Variants in CYTL1 observed in about 807,000 individuals in gnomAD.
The protein encoded by CYTL1 is cytokine-like protein 1.
A neutral mutation model predicts 13.1 loss-of-function variants in CYTL1; 17 were observed. The observed-to-expected ratio is 1.29, with a 90% CI of 0.89 to 1.94. CYTL1 has a LOEUF of 1.94. Ranked by LOEUF, CYTL1 falls within the 30% of genes most tolerant of loss-of-function variation. The pLI is 0.00. For synonymous variants in CYTL1, 91 were observed against 79.4 expected, an observed-to-expected ratio of 1.15 and a Z score of -0.78; for missense variants, 213 against 174.8, an observed-to-expected ratio of 1.22 and a Z score of -1.23.
At chr4:5,015,263 G>T (rs1290477604) in intron 3 of CYTL1, 29 bp from the exon 4 acceptor site, 2 of 1,578,778 alleles carry the variant, frequency 1.3e-6, no homozygotes, top group African/African-American at 2.7e-5. Flanking sequence ...GAGCAGGAAA[G>T]TTACTGAAGG....
rs200321003 is a variant in CYTL1, at chr4:5,019,451, C to T, written c.-6G>A. 79 of 1,458,678 alleles carry T rather than the reference C, an allele frequency of 5.4e-5. No individual in the cohort carries two copies. The African/African-American group carries it at 1.0e-3, about 19-fold the overall frequency. 90.4% of individuals were successfully genotyped at this position (1,458,678 alleles called of 1,614,324 possible). A position where few individuals can be genotyped will look rare whatever the true frequency, so the allele number is the denominator to read the frequency against. On this transcript the variant is annotated 5_prime_UTR_variant, in exon 1 of 4. Transcript: ENST00000307746. ...AGAGGCCCAGGCGTCCTCATGGTGC[C>T]AGGCGCTGGTGCAGCCTCGCCGACC...
intron 1 of CYTL1, among the ~76,000 whole-genome samples, chr4:5,017,989 G>A (rs1015766292): frequency 6.6e-6 from 1 of 152,068 alleles, no homozygotes; most frequent in African/African-American, 2.4e-5. Context: ...CTTTCTTCCC[G>A]CTCTGTGGTT....
chr4:5,015,623 T>C (rs767906495), intron 3 of CYTL1, among the ~76,000 whole-genome samples: 2 of 152,198 alleles, frequency 1.3e-5, no homozygotes, highest in Non-Finnish European at 2.9e-5. Context: ...GTTATCATAA[T>C]TGTATCAGCT....
chr4:5,018,201 TAC>T (rs541050159), intron 1 of CYTL1, among the ~76,000 whole-genome samples: 10 of 151,576 alleles, frequency 6.6e-5, no homozygotes, highest in African/African-American at 1.9e-4. Flanking sequence ...AAATTTTGTT[TAC>T]ACACACACAC....
At chr4:5,018,477 T>G (rs1055128334) in intron 1 of CYTL1, among the ~76,000 whole-genome samples, 2 of 152,206 alleles carry the variant, frequency 1.3e-5, no homozygotes, top group African/African-American at 4.8e-5. Context: ...CTGAGAAACA[T>G]TATGTTTTGT....
intron 1 of CYTL1, among the ~76,000 whole-genome samples, chr4:5,018,877 C>T (rs1019676860): frequency 2.6e-5 from 4 of 152,204 alleles, no homozygotes; most frequent in Non-Finnish European, 4.4e-5. Context: ...CTGTGAGCCA[C>T]CTCTTAGGGC....
Position 5,019,431 on chromosome 4 carries a change from C to CCCAGGCGTCCTCATGGTG in CYTL1, c.-4_14dup (p.Gly5_Pro6insThrMetArgThrProGly). 1 of 1,475,330 alleles carries CCCAGGCGTCCTCATGGTG rather than the reference C, an allele frequency of 6.8e-7. No homozygotes were observed. Among genetic ancestry groups the CCCAGGCGTCCTCATGGTG allele is most frequent in the Non-Finnish European group, 8.9e-7 (1 of 1,120,852 alleles). 91.4% of individuals were successfully genotyped at this position (1,475,330 alleles called of 1,614,324 possible). On this transcript the variant is annotated inframe_insertion, in exon 1 of 4. Coordinates refer to ENST00000307746, the MANE Select transcript of CYTL1 (RefSeq NM_018659.3). ...GGAGCAGCAGCAGCACGGGCAGAGG[C>CCCAGGCGTCCTCATGGTG]CCAGGCGTCCTCATGGTGCCAGGCG...
At chr4:5,017,654 AT>A (rs1182070703) in intron 1 of CYTL1, among the ~76,000 whole-genome samples, 2 of 150,692 alleles carry the variant, frequency 1.3e-5, no homozygotes, top group Admixed American at 1.3e-4. Flanking sequence ...ATATAAGTAT[AT>A]TAGCTATATA....
At position 5,016,978 on chromosome 4, in the gene CYTL1, A is replaced by G. The variant is rs752731184; in HGVS notation, c.199-14T>C. ...CACACAGTAATTCTGGGAGTGGGCA[A>G]TGGGGAGGGGGCTTGTGGGAGAAGT... On this transcript the variant is annotated splice_polypyrimidine_tract_variant and intron_variant, in intron 2 of 3. Transcript: ENST00000307746. 2 of 1,614,086 alleles carry G rather than the reference A, an allele frequency of 1.2e-6. No homozygotes were observed. Among genetic ancestry groups the G allele is most frequent in the Non-Finnish European group, 1.7e-6 (2 of 1,179,982 alleles).
intron 1 of CYTL1, 37 bp downstream of exon 1, chr4:5,019,256 G>A: frequency 7.1e-7 from 1 of 1,406,518 alleles, no homozygotes; most frequent in South Asian, 1.8e-5. Context: ...AACTGGGTCT[G>A]CCATGCACCC....
chr4:5,015,105 G>T lies in CYTL1; in HGVS notation c.*46C>A. 1 of 1,518,806 alleles carries T rather than the reference G, an allele frequency of 6.6e-7. No individual in the cohort carries two copies. The highest frequency in any genetic ancestry group is 1.1e-5 in the South Asian group (1 of 88,220). The allele number at this position is 1,518,806 out of a possible 1,614,324, so 94.1% of individuals were successfully genotyped here. On this transcript the variant is annotated 3_prime_UTR_variant, in exon 4 of 4. Transcript: ENST00000307746. ...TCTGGCCCATTAAGTCTGGGTAGCT[G>T]ACATAACTGTAGTTCTCTTGGGTTC...
At chr4:5,016,493 C>T (rs537998425) in intron 3 of CYTL1, among the ~76,000 whole-genome samples, 40 of 152,260 alleles carry the variant, frequency 2.6e-4, no homozygotes, top group African/African-American at 7.7e-4. Flanking sequence ...CCTCTCCTAC[C>T]GGAATCCTCT....
intron 1 of CYTL1, 98 bp downstream of exon 1, chr4:5,019,195 C>G: frequency 9.0e-7 from 1 of 1,107,768 alleles, no homozygotes; most frequent in Non-Finnish European, 1.2e-6. Flanking sequence ...AGAAAAATAT[C>G]CTTTTCTCTC....
intron 1 of CYTL1, among the ~76,000 whole-genome samples, chr4:5,018,260 T>C (rs1156470429): frequency 3.9e-5 from 6 of 152,164 alleles, no homozygotes; most frequent in Admixed American, 3.9e-4. Flanking sequence ...GACAGAAAGC[T>C]GAAATATGAT....
rs753566471 is a variant in CYTL1, at chr4:5,016,967, G to C, written c.199-3C>G. Reference sequence around the variant, plus strand: ...AGCTTGTCCAGCACACAGTAATTCTGGGAGTGGGCAATGGGGAGGGGGCTT... The same window carrying C: ...AGCTTGTCCAGCACACAGTAATTCTCGGAGTGGGCAATGGGGAGGGGGCTT... On this transcript the variant is annotated splice_polypyrimidine_tract_variant and splice_region_variant and intron_variant, in intron 2 of 3. Coordinates refer to ENST00000307746, the MANE Select transcript of CYTL1 (RefSeq NM_018659.3). The C allele has an allele frequency of 9.3e-6, 15 of 1,614,058 alleles. No individual in the cohort carries two copies. The East Asian group carries it at 3.1e-4, about 34-fold the overall frequency.
At chr4:5,015,820 T>C (rs190049356) in intron 3 of CYTL1, among the ~76,000 whole-genome samples, 62 of 152,316 alleles carry the variant, frequency 4.1e-4, no homozygotes, top group Admixed American at 2.7e-3. Context: ...GTCACTCTAC[T>C]AGGCTTCTTA....
rs556834689 is a variant in CYTL1, at chr4:5,016,633, T to C, written c.327+203A>G. Among the ~76,000 whole-genome samples the C allele has an allele frequency of 3.9e-5, 6 of 152,230 alleles. No homozygotes were observed. In the East Asian group the frequency reaches 1.2e-3, roughly 29 times the overall value. On this transcript the variant is annotated intron_variant, in intron 3 of 3. Coordinates refer to ENST00000307746, the MANE Select transcript of CYTL1 (RefSeq NM_018659.3). ...AGCCCCTGCATCAATGCGCAGCTCA[T>C]GGAGACAAAGGGCCTTGTCCTGAAC...
chr4:5,016,753 C>T (rs1741080923), intron 3 of CYTL1, 83 bp downstream of exon 3: 1 of 1,533,048 alleles, frequency 6.5e-7, no homozygotes, highest in Non-Finnish European at 9.0e-7. Flanking sequence ...GTCACCATCT[C>T]CTCCCAACTC....
Position 5,014,854 on chromosome 4 carries a change from T to A in CYTL1, c.*297A>T. 1 of 364,592 alleles carries A rather than the reference T, an allele frequency of 2.7e-6. No homozygotes were observed. The allele number at this position is 364,592 out of a possible 1,614,324, so 22.6% of individuals were successfully genotyped here. A position where few individuals can be genotyped will look rare whatever the true frequency, so the allele number is the denominator to read the frequency against. ...TGCAAGTTCTCAAAATAGTTGTTCA[T>A]AAAAGTGAAGCTTGTTAGTCCTTTT... On this transcript the variant is annotated 3_prime_UTR_variant, in exon 4 of 4. Transcript: ENST00000307746.
Sources: gnomAD v4.1 joint callset for allele counts (sites outside exome capture counted in the v4.1 genomes callset) on GRCh38, gnomAD v4.1.1 for gene constraint, MANE v1.5 for transcripts, NCBI Gene and HGNC (gene_info 2026-07-23, HGNC 2026-07-21) for gene names.